The following PARD3 variants were observed in gnomAD, a reference collection of about 807,000 sequenced individuals.
PARD3 encodes par-3 family cell polarity regulator.
PARD3 carries 75 observed loss-of-function variants against 155.4 expected under a neutral mutation model. The observed-to-expected ratio is 0.48, with a 90% CI of 0.40 to 0.58. The LOEUF is 0.58. PARD3 is among the 20% of genes least tolerant of loss of function. PARD3 has a pLI of 0.00. For synonymous variants in PARD3, 576 were observed against 610.5 expected, an observed-to-expected ratio of 0.94 and a Z score of 0.83; for missense variants, 1,642 against 1,721.7, an observed-to-expected ratio of 0.95 and a Z score of 0.82.
chr10:34,152,805 G>A (rs1948839575), intron 22 of PARD3, among the ~76,000 whole-genome samples: 1 of 152,176 alleles, frequency 6.6e-6, no homozygotes, highest in Admixed American at 6.5e-5. Context: ...CTGAATGGAA[G>A]GTTAAAGGCA....
At chr10:34,680,579 G>A (rs2133328687) in intron 2 of PARD3, among the ~76,000 whole-genome samples, 1 of 150,518 alleles carries the variant, frequency 6.6e-6, no homozygotes, top group Admixed American at 6.6e-5. Flanking sequence ...AATGAGGGGA[G>A]GGGAAGGGGA....
At chr10:34,757,861 C>T (rs10763999) in intron 1 of PARD3, among the ~76,000 whole-genome samples, 1 of 152,028 alleles carries the variant, frequency 6.6e-6, no homozygotes, top group Non-Finnish European at 1.5e-5. Flanking sequence ...AACGATGCCC[C>T]ATTTTGTCCT....
intron 5 of PARD3, among the ~76,000 whole-genome samples, chr10:34,445,724 T>A: frequency 6.6e-6 from 1 of 152,138 alleles, no homozygotes; most frequent in East Asian, 1.9e-4. Flanking sequence ...ATGATATAAT[T>A]AAGCTGTATC....
intron 2 of PARD3, among the ~76,000 whole-genome samples, chr10:34,604,765 G>A (rs1006986339): frequency 5.3e-5 from 8 of 151,512 alleles, no homozygotes; most frequent in Non-Finnish European, 8.8e-5. Context: ...TCGCTATACC[G>A]TCTACTGAAT....
chr10:34,422,801 G>C (rs1356015284), intron 5 of PARD3, among the ~76,000 whole-genome samples: 1 of 152,138 alleles, frequency 6.6e-6, no homozygotes, highest in Non-Finnish European at 1.5e-5. Context: ...AAGAGGATGT[G>C]GACAAAGGGA....
At chr10:34,363,349 A>G (rs1427506234) in intron 12 of PARD3, among the ~76,000 whole-genome samples, 1 of 152,226 alleles carries the variant, frequency 6.6e-6, no homozygotes, top group Non-Finnish European at 1.5e-5. Context: ...CAACTGCAGA[A>G]TGGGAATAAT....
intron 24 of PARD3, among the ~76,000 whole-genome samples, chr10:34,112,943 T>C (rs2132628515): frequency 6.6e-6 from 1 of 152,316 alleles, no homozygotes; most frequent in Admixed American, 6.5e-5. Flanking sequence ...CAGGCAAGAA[T>C]CCTTAGATGT....
At chr10:34,313,231 C>T (rs775341890) in intron 20 of PARD3, among the ~76,000 whole-genome samples, 5 of 152,174 alleles carry the variant, frequency 3.3e-5, no homozygotes, top group Non-Finnish European at 7.3e-5. Context: ...CCCCGCTTTG[C>T]TCTGCAATCT....
At chr10:34,177,181 G>A (rs1049870337) in intron 22 of PARD3, among the ~76,000 whole-genome samples, 1 of 152,076 alleles carries the variant, frequency 6.6e-6, no homozygotes, top group Non-Finnish European at 1.5e-5. Context: ...GCAAGAAAGA[G>A]CAAAAGGATA....
At chr10:34,113,039 T>TGCC (rs1564401578) in intron 24 of PARD3, among the ~76,000 whole-genome samples, 1 of 152,210 alleles carries the variant, frequency 6.6e-6, no homozygotes, top group African/African-American at 2.4e-5. Context: ...TGTTGGAAAA[T>TGCC]GCCGGCATGA....
intron 5 of PARD3, among the ~76,000 whole-genome samples, chr10:34,411,190 A>G (rs1321977714): frequency 6.6e-6 from 1 of 152,108 alleles, no homozygotes; most frequent in Non-Finnish European, 1.5e-5. Flanking sequence ...ACAAAAAGAC[A>G]CACATACCCC....
At chr10:34,308,856 A>C (rs547504487) in intron 20 of PARD3, among the ~76,000 whole-genome samples, 8 of 152,300 alleles carry the variant, frequency 5.3e-5, no homozygotes, top group African/African-American at 1.9e-4. Flanking sequence ...CTGGGGCACA[A>C]GACCTGGAGG....
intron 22 of PARD3, among the ~76,000 whole-genome samples, chr10:34,253,671 A>C (rs954464132): frequency 1.4e-4 from 20 of 139,288 alleles, no homozygotes; most frequent in Admixed American, 1.4e-3. Flanking sequence ...ATATCATAGA[A>C]AGTTTCAAAG....
At chr10:34,231,641 T>C (rs941518662) in intron 22 of PARD3, among the ~76,000 whole-genome samples, 1 of 149,820 alleles carries the variant, frequency 6.7e-6, no homozygotes, top group South Asian at 2.1e-4. Context: ...AATCTTCATC[T>C]TTTTTTTTTC....
chr10:34,521,502 G>C (rs1258315634), intron 2 of PARD3, among the ~76,000 whole-genome samples: 1 of 152,104 alleles, frequency 6.6e-6, no homozygotes, highest in Non-Finnish European at 1.5e-5. Flanking sequence ...TTAACAGATG[G>C]AATCTTCACT....
At chr10:34,500,299 A>G (rs1217459400) in intron 3 of PARD3, among the ~76,000 whole-genome samples, 1 of 152,260 alleles carries the variant, frequency 6.6e-6, no homozygotes, top group East Asian at 1.9e-4. Context: ...AAAGATTAGT[A>G]AATGCCCAAG....
At chr10:34,747,412 T>C (rs577959148) in intron 1 of PARD3, among the ~76,000 whole-genome samples, 1 of 152,248 alleles carries the variant, frequency 6.6e-6, no homozygotes, top group South Asian at 2.1e-4. Flanking sequence ...TGTATTTCAA[T>C]AAAGAGGCCA....
At chr10:34,197,602 G>A (rs915943980) in intron 22 of PARD3, among the ~76,000 whole-genome samples, 15 of 152,140 alleles carry the variant, frequency 9.9e-5, no homozygotes, top group African/African-American at 1.7e-4. Context: ...TGTATGCTGC[G>A]TGAGCTAATA....
chr10:34,255,726 T>G (rs555483000), intron 22 of PARD3, among the ~76,000 whole-genome samples: 30 of 152,362 alleles, frequency 2.0e-4, no homozygotes, highest in African/African-American at 7.0e-4. Flanking sequence ...CTCTTATTTT[T>G]AAATATATTT....
Sources: gnomAD v4.1 joint callset for allele counts (sites outside exome capture counted in the v4.1 genomes callset) on GRCh38, gnomAD v4.1.1 for gene constraint, MANE v1.5 for transcripts, NCBI Gene and HGNC (gene_info 2026-07-23, HGNC 2026-07-21) for gene names.